FRMPD4: variants seen among roughly 807,000 people sequenced by gnomAD.
The protein encoded by FRMPD4 is FERM and PDZ domain containing 4.
FRMPD4 carries 22 observed loss-of-function variants against 94.1 expected under a neutral mutation model. That is an observed-to-expected ratio of 0.23 (90% CI 0.17 to 0.33). FRMPD4 has a LOEUF of 0.33. FRMPD4 is among the 10% of genes least tolerant of loss of function. The probability of loss-of-function intolerance (pLI) is 1.00; values close to 1 mark genes in which losing one functional copy is unlikely to be tolerated. For synonymous variants in FRMPD4, 631 were observed against 548.6 expected, an observed-to-expected ratio of 1.15 and a Z score of -2.10; for missense variants, 1,111 against 1,339.9, an observed-to-expected ratio of 0.83 and a Z score of 2.67.
At chrX:11,982,948 T>C (rs1055427727) in intron 3 of FRMPD4, among the ~76,000 whole-genome samples, 1 of 111,956 alleles carries the variant, frequency 8.9e-6, no homozygotes. Flanking sequence ...ATTTTGTTAT[T>C]TTTCACTAGA....
chrX:11,966,060 A>T (rs1016180662), intron 3 of FRMPD4, among the ~76,000 whole-genome samples: 1 of 112,278 alleles, frequency 8.9e-6, no homozygotes, highest in African/African-American at 3.2e-5. Flanking sequence ...AAGAGGCTTA[A>T]AATAGAGTGA....
intron 3 of FRMPD4, among the ~76,000 whole-genome samples, chrX:12,046,804 A>G (rs1418553297): frequency 8.1e-5 from 9 of 111,510 alleles, no homozygotes; most frequent in Non-Finnish European, 1.7e-4. Context: ...TTGGGTTTCT[A>G]TAGAGGCTTC....
intron 1 of FRMPD4, among the ~76,000 whole-genome samples, chrX:12,421,389 C>T (rs1304487325): frequency 1.6e-5 from 1 of 62,114 alleles, no homozygotes; most frequent in African/African-American, 1.1e-4. Flanking sequence ...GTAGGTTAGG[C>T]TTCCATGCTC....
chrX:12,280,279 A>ATAATAATAATAAT, intron 1 of FRMPD4, among the ~76,000 whole-genome samples: 1 of 108,203 alleles, frequency 9.2e-6, no homozygotes. Context: ...AATAATAATA[A>ATAATAATAATAAT]AACCAAGTTT....
At chrX:12,239,873 C>G (rs1374857538) in intron 1 of FRMPD4, among the ~76,000 whole-genome samples, 2 of 111,687 alleles carry the variant, frequency 1.8e-5, no homozygotes, top group African/African-American at 6.5e-5. Context: ...CATAAGGAAA[C>G]AAATCCCATT....
chrX:12,570,628 C>G (rs1056495586), intron 2 of FRMPD4, among the ~76,000 whole-genome samples: 1 of 112,189 alleles, frequency 8.9e-6, no homozygotes, highest in African/African-American at 3.2e-5. Flanking sequence ...TCTAACACCA[C>G]AGTATCAGAG....
chrX:12,396,103 A>T (rs772219631), intron 1 of FRMPD4: 1 of 114,370 alleles, frequency 8.7e-6, no homozygotes, highest in Admixed American at 9.4e-5. Flanking sequence ...GTGAACACAA[A>T]TATTTGAACC....
At chrX:12,138,467 G>A (rs765896773), upstream of FRMPD4, 66 of 142,356 alleles carry the variant, frequency 4.6e-4, no homozygotes, top group Non-Finnish European at 7.5e-4. Context: ...AAGGAGGCAG[G>A]GAGGCAGCTG....
chrX:12,183,775 G>A (rs2056390762), intron 1 of FRMPD4, among the ~76,000 whole-genome samples: 1 of 110,869 alleles, frequency 9.0e-6, no homozygotes, highest in Non-Finnish European at 1.9e-5. Flanking sequence ...GGCTTTTTAA[G>A]ACATACACAC....
chrX:12,576,529 C>T lies in FRMPD4; in HGVS notation c.159-33192C>T, dbSNP rs1471181128. Among the ~76,000 whole-genome samples, 3 of 112,808 alleles carry T rather than the reference C, an allele frequency of 2.7e-5. No individual in the cohort carries two copies. The South Asian group carries it at 1.1e-3, about 41-fold the overall frequency. ...TGGCTCCATTTGTGAAACAAGAAAC[C>T]TGCCAGTCTTTTCTTTCAAGACAGT... On this transcript the variant is annotated intron_variant, in intron 2 of 16. Coordinates refer to ENST00000675598, the MANE Select transcript of FRMPD4 (RefSeq NM_001368397.1).
chrX:12,074,530 A>G (rs2054996525), intron 3 of FRMPD4, among the ~76,000 whole-genome samples: 1 of 112,108 alleles, frequency 8.9e-6, no homozygotes, highest in South Asian at 3.7e-4. Context: ...AATTTGAGGC[A>G]TCAGTCAGCA....
chrX:11,828,626 C>T (rs1232334034), intron 1 of FRMPD4, among the ~76,000 whole-genome samples: 1 of 112,137 alleles, frequency 8.9e-6, no homozygotes, highest in Non-Finnish European at 1.9e-5. Context: ...GCAAATGCTG[C>T]TGCTGCTGAA....
intron 3 of FRMPD4, among the ~76,000 whole-genome samples, chrX:12,052,006 T>C (rs914104660): frequency 8.9e-6 from 1 of 112,116 alleles, no homozygotes; most frequent in Non-Finnish European, 1.9e-5. Flanking sequence ...TTATAAAATA[T>C]TTATTTTTAT....
chrX:12,507,469 T>A (rs1193603591), intron 2 of FRMPD4, among the ~76,000 whole-genome samples: 1 of 112,256 alleles, frequency 8.9e-6, no homozygotes, highest in Non-Finnish European at 1.9e-5. Flanking sequence ...ATGTGACCCA[T>A]GAGCTATATA....
At chrX:12,231,999 G>A (rs2057015672) in intron 1 of FRMPD4, among the ~76,000 whole-genome samples, 1 of 111,488 alleles carries the variant, frequency 9.0e-6, no homozygotes, top group South Asian at 3.8e-4. Context: ...ACTGTTAAGA[G>A]TGAAAAGGAG....
intron 3 of FRMPD4, among the ~76,000 whole-genome samples, chrX:11,890,276 C>T (rs1014441383): frequency 1.8e-5 from 2 of 112,277 alleles, no homozygotes; most frequent in African/African-American, 3.2e-5. Context: ...TGTCCTTAGA[C>T]CAGCACCATC....
At chrX:12,088,973 A>G (rs1220951611) in intron 3 of FRMPD4, among the ~76,000 whole-genome samples, 3 of 112,022 alleles carry the variant, frequency 2.7e-5, no homozygotes, top group Non-Finnish European at 5.6e-5. Flanking sequence ...ACTCCTCTCC[A>G]TAAGAATAAC....
At chrX:12,195,318 A>G (rs1439898967) in intron 1 of FRMPD4, among the ~76,000 whole-genome samples, 3 of 111,811 alleles carry the variant, frequency 2.7e-5, no homozygotes, top group Non-Finnish European at 5.7e-5. Flanking sequence ...AGAAGGACCC[A>G]TGGGACTCAG....
intron 2 of FRMPD4, among the ~76,000 whole-genome samples, chrX:12,508,399 G>T (rs1040635448): frequency 8.9e-6 from 1 of 112,052 alleles, no homozygotes; most frequent in African/African-American, 3.2e-5. Context: ...GTACCATTTG[G>T]TTTTGGTCCA....
Sources: gnomAD v4.1 joint callset for allele counts (sites outside exome capture counted in the v4.1 genomes callset) on GRCh38, gnomAD v4.1.1 for gene constraint, MANE v1.5 for transcripts, NCBI Gene and HGNC (gene_info 2026-07-23, HGNC 2026-07-21) for gene names.